EPB41L4A: variants seen among roughly 807,000 people sequenced by gnomAD.
The protein encoded by EPB41L4A is erythrocyte membrane protein band 4.1 like 4A.
Under a neutral mutation model 108.6 loss-of-function variants are expected in EPB41L4A, and 100 were observed. The ratio of observed to expected loss-of-function variants is 0.92; its 90% CI spans 0.78 to 1.09. The LOEUF is 1.09. Ranked by LOEUF, EPB41L4A falls within the 50% of genes least tolerant of loss-of-function variation. The probability of loss-of-function intolerance (pLI) is 0.00; values close to 1 mark genes in which losing one functional copy is unlikely to be tolerated. For synonymous variants in EPB41L4A, 319 were observed against 289.0 expected (o/e 1.10, Z -1.05); for missense variants, 1,030 against 842.7 (o/e 1.22, Z -2.75).
At chr5:112,217,041 T>C (rs1465957059) in intron 12 of EPB41L4A, among the ~76,000 whole-genome samples, 1 of 151,734 alleles carries the variant, frequency 6.6e-6, no homozygotes, top group Non-Finnish European at 1.5e-5. Context: ...GTCTCCCAGG[T>C]TCAAGCGATT....
chr5:112,173,600 A>AT (rs1760711077), intron 18 of EPB41L4A: 1 of 151,068 alleles, frequency 6.6e-6, no homozygotes, highest in Non-Finnish European at 1.5e-5. Flanking sequence ...TCCAAAGGAA[A>AT]TGCTTTTCAT....
At chr5:112,357,243 C>T (rs988938645) in intron 1 of EPB41L4A, among the ~76,000 whole-genome samples, 3 of 152,194 alleles carry the variant, frequency 2.0e-5, no homozygotes, top group African/African-American at 7.2e-5. Flanking sequence ...TAGCTTGCAA[C>T]CAGGCTCTGG....
chr5:112,255,865 C>T (rs530063647), intron 9 of EPB41L4A, among the ~76,000 whole-genome samples: 5 of 152,232 alleles, frequency 3.3e-5, no homozygotes, highest in South Asian at 2.1e-4. Context: ...ATGTTCAAAA[C>T]GGGACTCCTG....
chr5:112,250,868 G>A (rs1485976310), intron 9 of EPB41L4A: 2 of 152,256 alleles, frequency 1.3e-5, no homozygotes, highest in East Asian at 1.9e-4. Context: ...CTGTGTGCCC[G>A]TTACATGCCC....
At chr5:112,365,902 C>T (rs1043529637) in intron 1 of EPB41L4A, among the ~76,000 whole-genome samples, 1 of 152,128 alleles carries the variant, frequency 6.6e-6, no homozygotes, top group African/African-American at 2.4e-5. Flanking sequence ...AAATGATCAG[C>T]GCAAGGATCT....
chr5:112,414,365 T>C (rs1433249220), intron 1 of EPB41L4A, among the ~76,000 whole-genome samples: 1 of 152,220 alleles, frequency 6.6e-6, no homozygotes. Context: ...GAAGCTGCTA[T>C]CCTCTATGAG....
At chr5:112,361,994 T>C (rs148467785) in intron 1 of EPB41L4A, among the ~76,000 whole-genome samples, 30 of 152,350 alleles carry the variant, frequency 2.0e-4, no homozygotes, top group African/African-American at 6.3e-4. Flanking sequence ...GCCATTGATA[T>C]AAGCTATTTT....
At chr5:112,156,601 T>C (rs1759656330) in intron 12 of EPB41L4A, among the ~76,000 whole-genome samples, 1 of 152,214 alleles carries the variant, frequency 6.6e-6, no homozygotes, top group Admixed American at 6.5e-5. Context: ...TAATCTCCTC[T>C]GGAAACATCC....
chr5:112,144,598 A>T (rs1162225755), intron 13 of EPB41L4A, among the ~76,000 whole-genome samples: 7 of 152,176 alleles, frequency 4.6e-5, no homozygotes, highest in Non-Finnish European at 8.8e-5. Flanking sequence ...CAGAGATTTT[A>T]GAGGCTTTAC....
At position 112,240,307 on chromosome 5, in the gene EPB41L4A, T is replaced by C. The variant is rs149203186; in HGVS notation, c.887+412A>G. Among the ~76,000 whole-genome samples, 43 of 152,304 alleles carry C rather than the reference T, an allele frequency of 2.8e-4. 1 individual carries two copies. The East Asian group carries it at 8.1e-3, about 29-fold the overall frequency. ...AACTACTTAAGTGACTTCATCAACT[T>C]TGGTCTTTCCAGTGAGCCTTGTACA... On this transcript the variant is annotated intron_variant, in intron 10 of 22. Transcript: ENST00000261486.
intron 9 of EPB41L4A, among the ~76,000 whole-genome samples, chr5:112,243,292 T>TATATA (rs1561504555): frequency 6.8e-6 from 1 of 147,264 alleles, no homozygotes; most frequent in African/African-American, 2.5e-5. Context: ...TATATATATA[T>TATATA]TTTGTTTGTT....
At position 112,145,133 on chromosome 5, in the gene EPB41L4A, T is replaced by C. The variant is rs575875970; in HGVS notation, n.1112+748A>G. 9.2e-5 allele frequency among the ~76,000 whole-genome samples: 14 copies of C among 152,244 alleles called. 1 individual carries two copies. Among genetic ancestry groups the C allele is most frequent in the African/African-American group, 2.9e-4 (12 of 41,542 alleles). The stretch of plus-strand genomic sequence containing the variant: ...GGCGAAACCCTGTCCCTACTAAAAA[T>C]ACAAAAATTAGCCAGGCGTGGTGGC... On this transcript the variant is annotated intron_variant and non_coding_transcript_variant, in intron 13 of 13. Transcript: ENST00000507810.
chr5:112,314,297 A>C (rs1755264509), intron 1 of EPB41L4A, among the ~76,000 whole-genome samples: 1 of 152,038 alleles, frequency 6.6e-6, no homozygotes, highest in African/African-American at 2.4e-5. Context: ...TTTCTAAGTC[A>C]GATGGCTAGT....
chr5:112,338,070 G>A (rs1757040614), intron 1 of EPB41L4A, among the ~76,000 whole-genome samples: 1 of 152,050 alleles, frequency 6.6e-6, no homozygotes, highest in Admixed American at 6.6e-5. Context: ...CCACATCCCT[G>A]CCTCTTACCC....
At chr5:112,272,332 G>A (rs1346163344) in intron 4 of EPB41L4A, among the ~76,000 whole-genome samples, 6 of 151,388 alleles carry the variant, frequency 4.0e-5, no homozygotes, top group Admixed American at 6.6e-5. Context: ...TAGTAGAGAC[G>A]GGGTTTCACT....
At chr5:112,294,757 C>T (rs548785351) in intron 2 of EPB41L4A, among the ~76,000 whole-genome samples, 3 of 151,382 alleles carry the variant, frequency 2.0e-5, no homozygotes, top group Non-Finnish European at 4.4e-5. Context: ...ACCTGAAGTA[C>T]GCATTTGGGT....
chr5:112,303,407 A>C (rs949937274), intron 2 of EPB41L4A, among the ~76,000 whole-genome samples: 1 of 152,188 alleles, frequency 6.6e-6, no homozygotes, highest in Non-Finnish European at 1.5e-5. Context: ...ATTATCTCAG[A>C]GGTAAACAGT....
At chr5:112,414,288 T>C (rs1009118364) in intron 1 of EPB41L4A, among the ~76,000 whole-genome samples, 5 of 151,948 alleles carry the variant, frequency 3.3e-5, no homozygotes, top group African/African-American at 7.3e-5. Flanking sequence ...AAAGAAAAAA[T>C]AGAAGGCATC....
At position 112,240,732 on chromosome 5, in the gene EPB41L4A, G is replaced by A; in HGVS notation, c.874C>T (p.His292Tyr). 1 of 1,546,878 alleles carries A rather than the reference G, an allele frequency of 6.5e-7. No homozygotes were observed. The highest frequency in any genetic ancestry group is 8.6e-7 in the Non-Finnish European group (1 of 1,156,678). ...KHLWKCSVEH[H>Y]TFFRMPENES... ...ACATCAATTTACCTAAAAAATGTAT[G>A]ATGTTCCACACTGCACTTCCAGAGG... Residue 292 changes from histidine to tyrosine, a missense_variant, in exon 10 of 23, where the codon CAT becomes TAT. Coordinates refer to ENST00000261486, the MANE Select transcript of EPB41L4A (RefSeq NM_022140.5).
Sources: gnomAD v4.1 joint callset for allele counts (sites outside exome capture counted in the v4.1 genomes callset) on GRCh38, gnomAD v4.1.1 for gene constraint, MANE v1.5 for transcripts, NCBI Gene and HGNC (gene_info 2026-07-23, HGNC 2026-07-21) for gene names.